Variants in DPPA4 observed in about 807,000 individuals in gnomAD.
DPPA4 encodes the protein developmental pluripotency associated 4.
In DPPA4, 22 loss-of-function variants were observed where a neutral mutation model predicts 33.7. The ratio of observed to expected loss-of-function variants is 0.65; its 90% CI spans 0.47 to 0.93. DPPA4 has a LOEUF of 0.93. DPPA4 is among the 40% of genes least tolerant of loss of function. The probability of loss-of-function intolerance (pLI) is 0.00; values close to 1 mark genes in which losing one functional copy is unlikely to be tolerated. For synonymous variants in DPPA4, 156 were observed against 132.3 expected, an observed-to-expected ratio of 1.18 and a Z score of -1.23; for missense variants, 340 against 358.6, an observed-to-expected ratio of 0.95 and a Z score of 0.42.
intron 1 of DPPA4, among the ~76,000 whole-genome samples, chr3:109,335,932 C>T (rs775945452): frequency 6.6e-6 from 1 of 151,510 alleles, no homozygotes; most frequent in African/African-American, 2.4e-5. Context: ...GTGGGCTGAC[C>T]GATTGAGGTC....
Position 109,327,815 on chromosome 3 carries a change from C to T in DPPA4, c.*173G>A. On this transcript the variant is annotated 3_prime_UTR_variant, in exon 7 of 7. Transcript: ENST00000335658. ...ATGTAAGAGTCTCTATCTCCACTCA[C>T]AAAGCAACAGGCACTGCTAGGGGTC... 1 of 520,974 alleles carries T rather than the reference C, an allele frequency of 1.9e-6. No individual in the cohort carries two copies. The allele number at this position is 520,974 out of a possible 1,614,324, so 32.3% of individuals were successfully genotyped here. A position where few individuals can be genotyped will look rare whatever the true frequency, so the allele number is the denominator to read the frequency against.
At chr3:109,329,746 A>G (rs1708016777) in intron 5 of DPPA4, 1 of 152,518 alleles carries the variant, frequency 6.6e-6, no homozygotes. Flanking sequence ...ACTTTCTGTA[A>G]TTCTTCCAAC....
intron 4 of DPPA4, among the ~76,000 whole-genome samples, chr3:109,331,020 G>A (rs1708059726): frequency 1.3e-5 from 2 of 152,048 alleles, no homozygotes. Context: ...GCTCAGGTCT[G>A]TAATCCCAGC....
intron 4 of DPPA4, among the ~76,000 whole-genome samples, chr3:109,331,187 G>C (rs900659602): frequency 2.0e-5 from 3 of 147,300 alleles, no homozygotes; most frequent in African/African-American, 7.6e-5. Context: ...CTGAGACAGG[G>C]GCATCACTTG....
upstream of DPPA4, among the ~76,000 whole-genome samples, chr3:109,339,270 A>G (rs1354546664): frequency 6.6e-6 from 1 of 152,152 alleles, no homozygotes; most frequent in Non-Finnish European, 1.5e-5. Context: ...TTTAAATGTA[A>G]GGCTTTAGCA....
In DPPA4 at chr3:109,330,676, G is replaced by A. The variant is rs556329682; in HGVS notation, c.527C>T (p.Pro176Leu). The stretch of plus-strand genomic sequence containing the variant: ...AGCAGTGGAATTTTCCAGGGCAGGC[G>A]GCTCCCCCACAGGAGGAAGAGCCAC... Reference protein sequence around the residue: ...PEVALPPVGEPPALENSTALL... With the variant: ...PEVALPPVGELPALENSTALL... The change falls in exon 5 of 7, where the codon CCG becomes CTG. Residue 176 changes from proline to leucine, a missense_variant. By Grantham distance (98) the Pro-to-Leu change is moderately conservative. This residue lies in a region of DPPA4 where 212 missense variants were observed against 206.5 expected (regional missense o/e 1.03). Coordinates refer to ENST00000335658, the MANE Select transcript of DPPA4 (RefSeq NM_018189.4). 5.0e-6 allele frequency: 8 copies of A among 1,614,166 alleles called. No homozygotes were observed. The highest frequency in any genetic ancestry group is 1.3e-5 in the African/African-American group (1 of 75,040).
At chr3:109,337,624 C>A (rs1011491916), upstream of DPPA4, 14 of 948,064 alleles carry the variant, frequency 1.5e-5, no homozygotes, top group Middle Eastern at 2.4e-4. Context: ...CTTTTCTTCT[C>A]CCCTTCTGTT....
chr3:109,337,635 C>A (rs1459269400), upstream of DPPA4: 12 of 833,018 alleles, frequency 1.4e-5, no homozygotes, highest in Non-Finnish European at 2.4e-5. Context: ...CCCTTCTGTT[C>A]CCTCCCCCAC....
intron 4 of DPPA4, 47 bp from the exon 5 acceptor site, chr3:109,330,859 C>CTA: frequency 6.8e-7 from 1 of 1,465,932 alleles, no homozygotes; most frequent in Non-Finnish European, 9.0e-7. Flanking sequence ...GATTAAAATT[C>CTA]TAACAAAAAT....
intron 1 of DPPA4, among the ~76,000 whole-genome samples, chr3:109,335,766 C>T (rs1426492954): frequency 6.6e-6 from 1 of 152,002 alleles, no homozygotes; most frequent in African/African-American, 2.4e-5. Context: ...ATTCTCATAG[C>T]AATCTGGCAA....
intron 2 of DPPA4, 103 bp from the exon 3 acceptor site, chr3:109,332,134 GCT>G: frequency 9.6e-7 from 1 of 1,043,090 alleles, no homozygotes; most frequent in Non-Finnish European, 1.4e-6. Flanking sequence ...ACAGAATCTT[GCT>G]CTGTCGCCCG....
At chr3:109,338,544 T>G (rs903344352), upstream of DPPA4, among the ~76,000 whole-genome samples, 4 of 152,204 alleles carry the variant, frequency 2.6e-5, no homozygotes, top group South Asian at 2.1e-4. Flanking sequence ...CTTTGTTGTT[T>G]TTTTTTCCTA....
chr3:109,330,333 G>GAAAAAAA (rs5851663), intron 5 of DPPA4, 191 bp downstream of exon 5: 1 of 394,864 alleles, frequency 2.5e-6, no homozygotes, highest in African/African-American at 2.6e-5. Flanking sequence ...AAAAAAAAAG[G>GAAAAAAA]AAAAAAAAAA....
At position 109,328,037 on chromosome 3, in the gene DPPA4, T is replaced by TA; in HGVS notation, c.879-14dup. The TA allele has an allele frequency of 6.8e-7, 1 of 1,459,976 alleles. No individual in the cohort carries two copies. Among genetic ancestry groups the TA allele is most frequent in the Non-Finnish European group, 9.6e-7 (1 of 1,043,850 alleles). The allele number at this position is 1,459,976 out of a possible 1,614,324, so 90.4% of individuals were successfully genotyped here. ...TAAGACCTTGTTCCTATAAAGCAAA[T>TA]AAAGTATTTGTTTTTAAAAAGAATG... On this transcript the variant is annotated splice_polypyrimidine_tract_variant and intron_variant, in intron 6 of 6. Coordinates refer to ENST00000335658, the MANE Select transcript of DPPA4 (RefSeq NM_018189.4).
In DPPA4 at chr3:109,333,990, T is replaced by C. The variant is rs1576838804; in HGVS notation, c.58A>G (p.Thr20Ala). 1 of 1,614,030 alleles carries C rather than the reference T, an allele frequency of 6.2e-7. No individual in the cohort carries two copies. The highest frequency in any genetic ancestry group is 8.5e-7 in the Non-Finnish European group (1 of 1,179,982). ...SMEKAKGKEW[T>A]STEKSREEDQ... ...TCTTCCCTCGACTTCTCTGTGGAGG[T>C]CCACTGGGGAACAGAGGAGCTGGTC... Residue 20 changes from threonine (T) to alanine (A), a missense_variant, in exon 2 of 7, where the codon ACC becomes GCC. Thr to Ala is a moderately conservative substitution (Grantham distance 58). Coordinates refer to ENST00000335658, the MANE Select transcript of DPPA4 (RefSeq NM_018189.4).
chr3:109,327,993 C>A lies in DPPA4; in HGVS notation c.910G>T (p.Glu304Ter). 1 of 1,547,426 alleles carries A rather than the reference C, an allele frequency of 6.5e-7. No individual in the cohort carries two copies. Among genetic ancestry groups the A allele is most frequent in the Non-Finnish European group, 8.9e-7 (1 of 1,120,360 alleles). Residue 304 changes from glutamate to a stop codon, truncating the protein, a stop_gained, in exon 7 of 7, where the codon GAA becomes TAA. Coordinates refer to ENST00000335658, the MANE Select transcript of DPPA4 (RefSeq NM_018189.4). LOFTEE classifies it high-confidence loss of function. ...GTGGCCTTTTTCCTGATATTCTATT[C>A]CCATTGGAGGCTTTTTATTAAGACC... ...NKVLIKSLQW[E>*] is the part of the protein sequence containing the mutation.
In DPPA4 at chr3:109,327,968, G is replaced by A. The variant is rs765707935; in HGVS notation, c.*20C>T. The A allele has an allele frequency of 6.5e-7, 1 of 1,531,066 alleles. No homozygotes were observed. The highest frequency in any genetic ancestry group is 9.0e-7 in the Non-Finnish European group (1 of 1,105,918). 94.8% of individuals were successfully genotyped at this position (1,531,066 alleles called of 1,614,324 possible). A position where few individuals can be genotyped will look rare whatever the true frequency, so the allele number is the denominator to read the frequency against. On this transcript the variant is annotated 3_prime_UTR_variant, in exon 7 of 7. Coordinates refer to ENST00000335658, the MANE Select transcript of DPPA4 (RefSeq NM_018189.4). ...TTTTCTGCCATTAATTACCATAGAT[G>A]TGGCCTTTTTCCTGATATTCTATTC... is the stretch of plus-strand genomic sequence containing the variant.
intron 4 of DPPA4, among the ~76,000 whole-genome samples, chr3:109,331,408 G>A (rs1380601599): frequency 6.6e-6 from 1 of 151,274 alleles, no homozygotes; most frequent in South Asian, 2.1e-4. Context: ...TGGATCACCT[G>A]AGGCAGGCGC....
intron 5 of DPPA4, 94 bp from the exon 6 acceptor site, chr3:109,329,182 G>T: frequency 9.4e-7 from 1 of 1,064,196 alleles, no homozygotes; most frequent in Non-Finnish European, 1.4e-6. Context: ...TGATTGACCA[G>T]CTCCAAGATG....
Sources: gnomAD v4.1 joint callset for allele counts (sites outside exome capture counted in the v4.1 genomes callset) on GRCh38, gnomAD v4.1.1 for gene constraint, gnomAD v4.1.1 regional missense constraint, MANE v1.5 for transcripts, NCBI Gene and HGNC (gene_info 2026-07-23, HGNC 2026-07-21) for gene names.